SLX4: variants seen among roughly 807,000 people sequenced by gnomAD.
SLX4 encodes structure-specific endonuclease subunit SLX4.
SLX4 carries 112 observed loss-of-function variants against 146.2 expected under a neutral mutation model. The ratio of observed to expected loss-of-function variants is 0.77; its 90% CI spans 0.66 to 0.90. The LOEUF (loss-of-function observed/expected upper bound fraction) is 0.90, where lower values mean the gene tolerates loss of function less well. SLX4 is among the 40% of genes least tolerant of loss of function. The pLI is 0.00. For missense variants in SLX4, 2,563 were observed against 2,392.7 expected (o/e 1.07, Z -1.49); for synonymous variants, 1,061 against 997.7 (o/e 1.06, Z -1.20).
intron 3 of SLX4, among the ~76,000 whole-genome samples, chr16:3,603,762 C>T (rs2040753728): frequency 6.6e-6 from 1 of 152,242 alleles, no homozygotes; most frequent in South Asian, 2.1e-4. Flanking sequence ...ACACCAAGTA[C>T]ACAGCAGCTA....
Position 3,609,161 on chromosome 16 carries a change from T to C in SLX4, c.-197A>G, listed in dbSNP as rs939311948. On this transcript the variant is annotated 5_prime_UTR_variant, in exon 2 of 15. Transcript: ENST00000294008. Reference sequence around the variant, plus strand: ...GCTCACACTTGTAATCCCAGCTCTTTTGGAGGACGAGGCGGGGGGTGGATC... The same window carrying C: ...GCTCACACTTGTAATCCCAGCTCTTCTGGAGGACGAGGCGGGGGGTGGATC... The C allele has an allele frequency of 2.0e-5, 12 of 585,448 alleles. No homozygotes were observed. The highest frequency in any genetic ancestry group is 1.7e-4 in the African/African-American group (9 of 54,028). 36.3% of individuals were successfully genotyped at this position (585,448 alleles called of 1,614,324 possible). A position where few individuals can be genotyped will look rare whatever the true frequency, so the allele number is the denominator to read the frequency against.
chr16:3,595,831 A>G lies in SLX4; in HGVS notation c.1925-138T>C. 3 of 1,032,716 alleles carry G rather than the reference A, an allele frequency of 2.9e-6. No homozygotes were observed. In the South Asian group the frequency reaches 4.1e-5, roughly 14 times the overall value. 64.0% of individuals were successfully genotyped at this position (1,032,716 alleles called of 1,614,324 possible). On this transcript the variant is annotated intron_variant, in intron 8 of 14. Transcript: ENST00000294008. ...TTGCTATCCGAGGACACCTTCATGC[A>G]AAGCAAACCCGCACACCCTGTCTCA...
chr16:3,610,412 A>G (rs1030789991), intron 1 of SLX4, among the ~76,000 whole-genome samples: 4 of 152,196 alleles, frequency 2.6e-5, no homozygotes, highest in African/African-American at 9.6e-5. Context: ...TTATCATCAT[A>G]TGAAACAGGT....
rs760435859 is a variant in SLX4, at chr16:3,582,443, C to T, written c.5404G>A (p.Asp1802Asn). 1.7e-4 allele frequency: 282 copies of T among 1,613,942 alleles called. 1 individual carries two copies. The highest frequency in any genetic ancestry group is 1.6e-3 in the South Asian group (143 of 91,090). ...VSSRRLLDFL[D>N]THCITFTTAA... The stretch of plus-strand genomic sequence containing the variant: ...GTGGTGAAGGTGATACAGTGGGTGT[C>T]CAGGAAGTCCAACAGCCTGCGCGAG... The change falls in exon 15 of 15, where the codon GAC becomes AAC. Residue 1802 changes from aspartate (D) to asparagine (N), a missense_variant. Coordinates refer to ENST00000294008, the MANE Select transcript of SLX4 (RefSeq NM_032444.4).
chr16:3,582,856 C>T (rs900055127), intron 14 of SLX4, among the ~76,000 whole-genome samples, 163 bp from the exon 15 acceptor site: 6 of 152,296 alleles, frequency 3.9e-5, no homozygotes, highest in Middle Eastern at 6.8e-3. Flanking sequence ...CTGCAGGCTA[C>T]GCCAGCGGGA....
intron 11 of SLX4, among the ~76,000 whole-genome samples, chr16:3,592,366 T>TGGTG (rs1271240656): frequency 6.6e-6 from 1 of 152,232 alleles, no homozygotes; most frequent in Non-Finnish European, 1.5e-5. Context: ...TCAGGTCTAG[T>TGGTG]GGTGGAACAA....
intron 9 of SLX4, among the ~76,000 whole-genome samples, 166 bp downstream of exon 9, chr16:3,595,439 C>T (rs1017708992): frequency 6.6e-6 from 1 of 152,186 alleles, no homozygotes; most frequent in Non-Finnish European, 1.5e-5. Flanking sequence ...GGGTCCGTGG[C>T]TCTGCTCACG....
chr16:3,582,653 C>T lies in SLX4; in HGVS notation c.5194G>A (p.Gly1732Ser), dbSNP rs539125446. 4.3e-6 allele frequency: 7 copies of T among 1,613,224 alleles called. No homozygotes were observed. Among genetic ancestry groups the T allele is most frequent in the Non-Finnish European group, 5.9e-6 (7 of 1,180,046 alleles). ...ACCTCCCCCTCGCCCTCCTCTTCACCTGCAGACTCAAATGCCGCTCCAAAC... is the reference window on the plus strand; with the variant it reads ...ACCTCCCCCTCGCCCTCCTCTTCACTTGCAGACTCAAATGCCGCTCCAAAC... ...CEFGAAFESA[G>S]EEEGEGEVSA... The change falls in exon 15 of 15, where the codon GGT becomes AGT. Residue 1732 changes from glycine to serine, a missense_variant. Gly to Ser is a moderately conservative substitution (Grantham distance 56, BLOSUM62 0). Transcript: ENST00000294008.
chr16:3,596,793 G>C (rs1596526949), intron 7 of SLX4, among the ~76,000 whole-genome samples: 1 of 151,744 alleles, frequency 6.6e-6, no homozygotes, highest in East Asian at 1.9e-4. Flanking sequence ...GGCTCCATCT[G>C]AGGCATTTTG....
intron 12 of SLX4, among the ~76,000 whole-genome samples, chr16:3,585,625 A>T (rs1339847698): frequency 6.7e-6 from 1 of 149,818 alleles, no homozygotes; most frequent in Admixed American, 6.7e-5. Context: ...GTGAACAGAC[A>T]TTTCTCCAGA....
At position 3,597,930 on chromosome 16, in the gene SLX4, C is replaced by A. The variant is rs759512394; in HGVS notation, c.1233G>T (p.Arg411=). 1 of 1,614,194 alleles carries A rather than the reference C, an allele frequency of 6.2e-7. No homozygotes were observed. The highest frequency in any genetic ancestry group is 1.1e-5 in the South Asian group (1 of 91,082). ...PTSKKEPRKR[R]KVDEAPSEDL... ...CCTCGGACGGTGCCTCGTCCACCTT[C>A]CGCCTCTTCCGTGGCTCCTTCTTGC... is the stretch of plus-strand genomic sequence containing the variant. The change falls in exon 6 of 15, where the codon CGG becomes CGT. Residue 411 remains arginine, a synonymous_variant. Transcript: ENST00000294008. The surrounding 1 kb of genome is among the most constrained non-coding windows in gnomAD (Gnocchi z 4.4).
intron 3 of SLX4, among the ~76,000 whole-genome samples, chr16:3,605,533 TA>T (rs1301883813): frequency 2.0e-5 from 3 of 152,150 alleles, no homozygotes; most frequent in African/African-American, 7.2e-5. Context: ...TCATTGTAAT[TA>T]AAACAACAAC....
chr16:3,606,058 G>C (rs746481556), intron 3 of SLX4, among the ~76,000 whole-genome samples: 1 of 151,562 alleles, frequency 6.6e-6, no homozygotes, highest in Non-Finnish European at 1.5e-5. Context: ...TCAGGAGTTC[G>C]AGACCAGCCT....
At position 3,589,769 on chromosome 16, in the gene SLX4, T is replaced by A; in HGVS notation, c.3869A>T (p.His1290Leu). 1 of 1,613,692 alleles carries A rather than the reference T, an allele frequency of 6.2e-7. No individual in the cohort carries two copies. Among genetic ancestry groups the A allele is most frequent in the Non-Finnish European group, 8.5e-7 (1 of 1,180,036 alleles). The part of the protein sequence containing the change: ...SGLAVQAVTQ[H>L]TPRASVGNRE... Reference sequence around the variant, plus strand: ...GTTTCCTACTGAGGCCCTGGGCGTGTGCTGAGTCACCGCCTGCACGGCCAG... The same window carrying A: ...GTTTCCTACTGAGGCCCTGGGCGTGAGCTGAGTCACCGCCTGCACGGCCAG... The change falls in exon 12 of 15, where the codon CAC (histidine) becomes CTC (leucine). Residue 1290 changes from histidine (H) to leucine (L), a missense_variant. Transcript: ENST00000294008. This position sits in a 1 kb window ranked among gnomAD's most constrained non-coding sequence, Gnocchi z 6.2.
Position 3,590,632 on chromosome 16 carries a change from ACTTGTT to A in SLX4, c.3000_3005del (p.Thr1001_Ser1002del). 1 of 1,614,106 alleles carries A rather than the reference ACTTGTT, an allele frequency of 6.2e-7. No individual in the cohort carries two copies. The highest frequency in any genetic ancestry group is 8.5e-7 in the Non-Finnish European group (1 of 1,180,006). The stretch of plus-strand genomic sequence containing the variant: ...CAGCGCCACTTTGTTCCTCGGGCTC[ACTTGTT>A]ATTTGGGACGGCTCTGAGATCTCTC... On this transcript the variant is annotated inframe_deletion, in exon 12 of 15. Coordinates refer to ENST00000294008, the MANE Select transcript of SLX4 (RefSeq NM_032444.4). This position sits in a 1 kb window ranked among gnomAD's most constrained non-coding sequence, Gnocchi z 4.8.
chr16:3,609,875 G>A (rs975582134), intron 1 of SLX4, among the ~76,000 whole-genome samples: 7 of 152,204 alleles, frequency 4.6e-5, no homozygotes, highest in Non-Finnish European at 1.0e-4. Flanking sequence ...GAAACAGGAT[G>A]ATCCCCAAAT....
intron 3 of SLX4, 99 bp downstream of exon 3, chr16:3,606,375 A>T: frequency 7.6e-7 from 1 of 1,318,810 alleles, no homozygotes; most frequent in Non-Finnish European, 1.1e-6. Flanking sequence ...GAGCCTATCC[A>T]CAGAAGAAAC....
chr16:3,595,470 T>C, intron 9 of SLX4, 135 bp downstream of exon 9: 6 of 957,706 alleles, frequency 6.3e-6, no homozygotes, highest in Non-Finnish European at 9.7e-6. Flanking sequence ...TGTGGCAGCC[T>C]TCTGGAAAGC....
intron 12 of SLX4, among the ~76,000 whole-genome samples, chr16:3,587,949 G>A (rs549704211): frequency 6.6e-6 from 1 of 152,304 alleles, no homozygotes; most frequent in East Asian, 1.9e-4. Flanking sequence ...GCAGCACCGA[G>A]GGGGCCGACA....
Sources: allele counts gnomAD v4.1 joint callset (sites outside exome capture counted in the v4.1 genomes callset), GRCh38; gene constraint gnomAD v4.1.1; non-coding constraint Gnocchi (gnomAD v3.1); transcripts MANE v1.5; gene names NCBI Gene and HGNC (gene_info 2026-07-23, HGNC 2026-07-21).